BRD1: variants seen among roughly 807,000 people sequenced by gnomAD.
BRD1 encodes the protein bromodomain-containing protein 1.
Under a neutral mutation model 107.7 loss-of-function variants are expected in BRD1, and 24 were observed. The ratio of observed to expected loss-of-function variants is 0.22; its 90% confidence interval spans 0.16 to 0.31. The LOEUF (loss-of-function observed/expected upper bound fraction) is 0.31, where lower values mean the gene tolerates loss of function less well. BRD1 is among the 10% of genes least tolerant of loss of function. The pLI, the probability that BRD1 is intolerant of heterozygous loss-of-function variation, is 1.00. For synonymous variants in BRD1, 744 were observed against 686.1 expected, an observed-to-expected ratio of 1.08 and a Z score of -1.32; for missense variants, 1,279 against 1,638.6, an observed-to-expected ratio of 0.78 and a Z score of 3.79.
intron 6 of BRD1, 56 bp downstream of exon 6, chr22:49,797,749 A>C: frequency 7.9e-6 from 12 of 1,514,556 alleles, no homozygotes; most frequent in South Asian, 1.3e-5. Flanking sequence ...AGAGCAGGAC[A>C]GAGTCTGCTA....
chr22:49,825,605 T>G (rs1192663858), intron 1 of BRD1: 1 of 152,276 alleles, frequency 6.6e-6, no homozygotes, highest in Non-Finnish European at 1.5e-5. Flanking sequence ...GATTTTTCAG[T>G]GACTGACTCG....
intron 1 of BRD1, among the ~76,000 whole-genome samples, chr22:49,826,777 G>T (rs2060152280): frequency 6.6e-6 from 1 of 152,214 alleles, no homozygotes; most frequent in Admixed American, 6.5e-5. Flanking sequence ...AACAGACACG[G>T]GCGGCCGCGC....
At position 49,823,343 on chromosome 22, in the gene BRD1, C is replaced by G. The variant is rs569029965; in HGVS notation, c.975G>C (p.Leu325=). The G allele has an allele frequency of 6.2e-7, 1 of 1,614,184 alleles. No homozygotes were observed. The highest frequency in any genetic ancestry group is 1.3e-5 in the African/African-American group (1 of 75,066). ...VRNIPPARWK[L]TCYLCKQKGV... ...CCTTCTGCTTACAGAGGTAGCATGTCAGTTTCCACCGGGCTGGAGGGATGT... is the reference window on the plus strand; with the variant it reads ...CCTTCTGCTTACAGAGGTAGCATGTGAGTTTCCACCGGGCTGGAGGGATGT... The change falls in exon 2 of 13, where the codon CTG becomes CTC. Residue 325 remains leucine (L), a synonymous_variant. Coordinates refer to ENST00000404760, the MANE Select transcript of BRD1 (RefSeq NM_001304808.3).
At chr22:49,817,556 G>T in intron 2 of BRD1, 1 of 179,816 alleles carries the variant, frequency 5.6e-6, no homozygotes. Flanking sequence ...GGCGGCCCAG[G>T]GGCCCTAGAC....
At chr22:49,800,074 CCT>C (rs1407370908) in intron 3 of BRD1, among the ~76,000 whole-genome samples, 19 of 152,326 alleles carry the variant, frequency 1.2e-4, no homozygotes, top group African/African-American at 3.8e-4. Context: ...GCTTCACAGC[CCT>C]GAGACCCTCC....
At chr22:49,811,217 C>G (rs1043267134) in intron 2 of BRD1, among the ~76,000 whole-genome samples, 3 of 152,158 alleles carry the variant, frequency 2.0e-5, no homozygotes, top group African/African-American at 7.2e-5. Flanking sequence ...AGACAGGATG[C>G]AGATGGGTGG....
rs1416080989 is a variant in BRD1 at position 49,824,763 on chromosome 22, C to T, written c.-14-432G>A. The T allele has an allele frequency of 1.9e-6, 2 of 1,030,214 alleles. No individual in the cohort carries two copies. Among genetic ancestry groups the T allele is most frequent in the East Asian group, 8.2e-5 (1 of 12,268 alleles). 63.8% of individuals were successfully genotyped at this position (1,030,214 alleles called of 1,614,324 possible). On this transcript the variant is annotated intron_variant, in intron 1 of 12. Coordinates refer to ENST00000404760, the MANE Select transcript of BRD1 (RefSeq NM_001304808.3). This position sits in a 1 kb window ranked among gnomAD's most constrained non-coding sequence, Gnocchi z 5.9. ...CCCCACCAGGCACAGAGGCTATGCCCACCAGACAGGCATGCTCAGTGGCTA... is the reference window on the plus strand; with the variant it reads ...CCCCACCAGGCACAGAGGCTATGCCTACCAGACAGGCATGCTCAGTGGCTA...
intron 2 of BRD1, among the ~76,000 whole-genome samples, chr22:49,813,175 G>C (rs2059885114): frequency 1.3e-5 from 2 of 152,164 alleles, no homozygotes; most frequent in African/African-American, 4.8e-5. Flanking sequence ...TGGATCATTT[G>C]AGCTCAGGAG....
At chr22:49,822,860 C>T in intron 2 of BRD1, 91 bp downstream of exon 2, 1 of 1,455,770 alleles carries the variant, frequency 6.9e-7, no homozygotes, top group Non-Finnish European at 9.3e-7. Context: ...ACGCAATGAC[C>T]ACACAGCACG....
At chr22:49,799,186 A>G in intron 3 of BRD1, 67 bp from the exon 4 acceptor site, 2 of 1,564,126 alleles carry the variant, frequency 1.3e-6, no homozygotes, top group Non-Finnish European at 1.7e-6. Flanking sequence ...CTCAGATACC[A>G]TGCAGGTGAG....
At chr22:49,797,741 A>G (rs766944108) in intron 6 of BRD1, 64 bp downstream of exon 6, 13 of 1,501,276 alleles carry the variant, frequency 8.7e-6, no homozygotes, top group South Asian at 1.3e-5. Context: ...GGCAACACAG[A>G]GCAGGACAGA....
At chr22:49,774,935 T>A (rs890447561) in intron 12 of BRD1, among the ~76,000 whole-genome samples, 8 of 152,300 alleles carry the variant, frequency 5.3e-5, no homozygotes, top group Admixed American at 3.3e-4. Flanking sequence ...CCCGAGCCCC[T>A]GCGCCAGGTC....
chr22:49,799,134 C>T lies in BRD1; in HGVS notation c.1525-15G>A, dbSNP rs1204697989. ...TCATTTTCTCTCTGAGAACAGTGAA[C>T]ACTTCCGTCAGTCAAACCCAGAGGC... On this transcript the variant is annotated splice_polypyrimidine_tract_variant and intron_variant, in intron 3 of 12. Transcript: ENST00000404760. 6 of 1,600,718 alleles carry T rather than the reference C, an allele frequency of 3.7e-6. No homozygotes were observed. Among genetic ancestry groups the T allele is most frequent in the South Asian group, 1.1e-5 (1 of 90,754 alleles).
intron 2 of BRD1, 81 bp from the exon 3 acceptor site, chr22:49,804,441 T>A: frequency 6.9e-7 from 1 of 1,454,130 alleles, no homozygotes; most frequent in Non-Finnish European, 9.3e-7. Flanking sequence ...ACAGTACTAC[T>A]GCTAACAAAA....
At position 49,804,300 on chromosome 22, in the gene BRD1, G is replaced by A. The variant is rs768332358; in HGVS notation, c.1428C>T (p.Ala476=). The stretch of plus-strand genomic sequence containing the variant: ...GCCGCTTGAGCAGCCAGTAGCTGTG[G>A]GCTCGCTCCACAAACTGCTTCTTCC... ...IQRKKQFVER[A]HSYWLLKRLS... is the part of the protein sequence containing the mutation. Residue 476 remains alanine (A), a synonymous_variant, in exon 3 of 13, where the codon GCC becomes GCT. Coordinates refer to ENST00000404760, the MANE Select transcript of BRD1 (RefSeq NM_001304808.3). 15 of 1,610,764 alleles carry A rather than the reference G, an allele frequency of 9.3e-6. No individual in the cohort carries two copies. Among genetic ancestry groups the A allele is most frequent in the Non-Finnish European group, 1.3e-5 (15 of 1,178,482 alleles).
chr22:49,777,307 G>C (rs950195075), intron 9 of BRD1, 146 bp from the exon 10 acceptor site: 65 of 1,308,334 alleles, frequency 5.0e-5, no homozygotes, highest in Non-Finnish European at 6.8e-5. Context: ...GGGTGCGCAG[G>C]TCTGGAGGGA....
chr22:49,819,450 G>A (rs1311586384), intron 2 of BRD1, among the ~76,000 whole-genome samples: 1 of 152,078 alleles, frequency 6.6e-6, no homozygotes, highest in Non-Finnish European at 1.5e-5. Context: ...CTACTCAAGA[G>A]GCTGAGGTGG....
chr22:49,822,102 C>T (rs1337070274), intron 2 of BRD1, among the ~76,000 whole-genome samples: 3 of 152,250 alleles, frequency 2.0e-5, no homozygotes, highest in Non-Finnish European at 4.4e-5. Flanking sequence ...TTCATTCCTT[C>T]TTAAAGTTTA....
intron 6 of BRD1, among the ~76,000 whole-genome samples, chr22:49,796,843 C>T (rs1211852965): frequency 7.0e-6 from 1 of 142,022 alleles, no homozygotes; most frequent in African/African-American, 2.5e-5. Flanking sequence ...ATGGCGGGAA[C>T]GTGGACCCCG....
Sources: allele counts gnomAD v4.1 joint callset (sites outside exome capture counted in the v4.1 genomes callset), GRCh38; gene constraint gnomAD v4.1.1; non-coding constraint Gnocchi (gnomAD v3.1); transcripts MANE v1.5; gene names NCBI Gene and HGNC (gene_info 2026-07-23, HGNC 2026-07-21).